GRK5: variants seen among roughly 807,000 people sequenced by gnomAD.
GRK5 encodes G protein-coupled receptor kinase 5.
Under a neutral mutation model 78.4 loss-of-function variants are expected in GRK5, and 40 were observed. That is an observed-to-expected ratio of 0.51 (90% CI 0.40 to 0.66). The LOEUF is 0.66. GRK5 is among the 30% of genes least tolerant of loss of function. The pLI is 0.00. For missense variants in GRK5, 598 were observed against 759.9 expected, an observed-to-expected ratio of 0.79 and a Z score of 2.50; for synonymous variants, 289 against 296.8, an observed-to-expected ratio of 0.97 and a Z score of 0.27.
At chr10:119,394,268 G>T (rs1851962624) in intron 3 of GRK5, among the ~76,000 whole-genome samples, 4 of 102,888 alleles carry the variant, frequency 3.9e-5, no homozygotes, top group Non-Finnish European at 4.3e-5. Context: ...ATCTGTGTGT[G>T]TGTGGGCGTG....
At chr10:119,439,877 C>T in intron 10 of GRK5, 109 bp downstream of exon 10, 2 of 959,352 alleles carry the variant, frequency 2.1e-6, no homozygotes, top group Admixed American at 1.8e-5. Context: ...ACGGGCCCCA[C>T]TCCCACTGCT....
chr10:119,394,842 CGT>C (rs759878441), intron 3 of GRK5, among the ~76,000 whole-genome samples: 1 of 151,112 alleles, frequency 6.6e-6, no homozygotes, highest in Non-Finnish European at 1.5e-5. Context: ...TCTGTGGGCA[CGT>C]GTGTGTGCAC....
At chr10:119,241,249 G>C (rs940524108) in intron 1 of GRK5, among the ~76,000 whole-genome samples, 1 of 152,102 alleles carries the variant, frequency 6.6e-6, no homozygotes, top group African/African-American at 2.4e-5. Flanking sequence ...AAGAGCAAAG[G>C]CCACGTGAGG....
chr10:119,380,254 G>A (rs1438967172), intron 2 of GRK5, among the ~76,000 whole-genome samples: 3 of 152,040 alleles, frequency 2.0e-5, no homozygotes, highest in Non-Finnish European at 4.4e-5. Flanking sequence ...ACATCACCAG[G>A]GCACCAACTC....
intron 4 of GRK5, among the ~76,000 whole-genome samples, chr10:119,414,653 C>A (rs115977289): frequency 4.6e-4 from 70 of 152,332 alleles, no homozygotes; most frequent in African/African-American, 1.6e-3. Flanking sequence ...GAGCAAGTTA[C>A]TTAACTTCTG....
At chr10:119,453,384 T>G in intron 15 of GRK5, 108 bp downstream of exon 15, 1 of 1,317,546 alleles carries the variant, frequency 7.6e-7, no homozygotes, top group Non-Finnish European at 1.1e-6. Flanking sequence ...GGCTTGGAAG[T>G]CTGGGGCAGT....
At chr10:119,300,942 A>AC (rs1850169715) in intron 1 of GRK5, among the ~76,000 whole-genome samples, 1 of 152,044 alleles carries the variant, frequency 6.6e-6, no homozygotes, top group African/African-American at 2.4e-5. Flanking sequence ...TGCAAAAAAA[A>AC]CAAAAAACAA....
chr10:119,422,302 A>G (rs1243147354), intron 4 of GRK5, among the ~76,000 whole-genome samples: 2 of 152,192 alleles, frequency 1.3e-5, no homozygotes, highest in Non-Finnish European at 2.9e-5. Context: ...TTTCAAATTT[A>G]AAATACTCAG....
chr10:119,332,312 G>T (rs1850795419), intron 2 of GRK5, among the ~76,000 whole-genome samples: 1 of 152,038 alleles, frequency 6.6e-6, no homozygotes, highest in Non-Finnish European at 1.5e-5. Flanking sequence ...TTGCCATGTT[G>T]CCCAGGCTGG....
chr10:119,438,388 C>T (rs149432851), intron 9 of GRK5, among the ~76,000 whole-genome samples: 22 of 152,278 alleles, frequency 1.4e-4, no homozygotes, highest in East Asian at 1.9e-4. Flanking sequence ...GACCCCGACA[C>T]GCAGCCCAGT....
At chr10:119,256,741 C>T (rs146685167) in intron 1 of GRK5, among the ~76,000 whole-genome samples, 16 of 152,252 alleles carry the variant, frequency 1.1e-4, no homozygotes, top group African/African-American at 3.6e-4. Flanking sequence ...AGATAATTCA[C>T]GTACCATAAT....
chr10:119,394,738 T>G (rs1383158522), intron 3 of GRK5, among the ~76,000 whole-genome samples: 1 of 64,534 alleles, frequency 1.5e-5, no homozygotes, highest in African/African-American at 4.1e-5. Flanking sequence ...TATGTTTGGG[T>G]GTGTGTGTGT....
intron 1 of GRK5, among the ~76,000 whole-genome samples, chr10:119,261,123 G>C (rs1218993362): frequency 4.8e-5 from 7 of 147,248 alleles, no homozygotes; most frequent in Admixed American, 2.7e-4. Flanking sequence ...CGGGCGGAGG[G>C]GTTCCTCACT....
At chr10:119,361,830 G>A (rs775186897) in intron 2 of GRK5, among the ~76,000 whole-genome samples, 8 of 151,948 alleles carry the variant, frequency 5.3e-5, no homozygotes, top group African/African-American at 1.7e-4. Flanking sequence ...GCGTAGTGGC[G>A]TGCACCTGTA....
At chr10:119,317,779 A>G (rs1020188654) in intron 1 of GRK5, among the ~76,000 whole-genome samples, 2 of 152,198 alleles carry the variant, frequency 1.3e-5, no homozygotes, top group Admixed American at 6.5e-5. Flanking sequence ...GGTCCTTTTT[A>G]GAAGACGTAG....
intron 1 of GRK5, among the ~76,000 whole-genome samples, chr10:119,273,812 C>T (rs1245542404): frequency 6.6e-6 from 1 of 152,154 alleles, no homozygotes; most frequent in African/African-American, 2.4e-5. Flanking sequence ...CTCGCTCTGT[C>T]ACCAAGGCTG....
chr10:119,309,999 G>A (rs1220743433), intron 1 of GRK5, among the ~76,000 whole-genome samples: 1 of 152,244 alleles, frequency 6.6e-6, no homozygotes, highest in South Asian at 2.1e-4. Context: ...GAGCATGGAG[G>A]CCACAGCCTG....
intron 4 of GRK5, among the ~76,000 whole-genome samples, chr10:119,398,005 A>T (rs1852084806): frequency 6.6e-6 from 1 of 152,232 alleles, no homozygotes; most frequent in South Asian, 2.1e-4. Flanking sequence ...GACAGAATTT[A>T]TGTTTATAAA....
At chr10:119,364,658 C>A (rs780953740) in intron 2 of GRK5, among the ~76,000 whole-genome samples, 5 of 152,126 alleles carry the variant, frequency 3.3e-5, no homozygotes, top group Non-Finnish European at 7.3e-5. Context: ...TTCAGAACCC[C>A]GGGCCCCCAT....
Sources: gnomAD v4.1 joint callset for allele counts (sites outside exome capture counted in the v4.1 genomes callset) on GRCh38, gnomAD v4.1.1 for gene constraint, MANE v1.5 for transcripts, NCBI Gene and HGNC (gene_info 2026-07-23, HGNC 2026-07-21) for gene names.